EML6: variants seen among roughly 807,000 people sequenced by gnomAD.
The protein encoded by EML6 is EMAP like 6, also known as echinoderm microtubule-associated protein-like 6.
A neutral mutation model predicts 240.1 loss-of-function variants in EML6; 154 were observed. The ratio of observed to expected loss-of-function variants is 0.64; its 90% CI spans 0.56 to 0.73. The LOEUF is 0.73. Ranked by LOEUF, EML6 falls within the 30% of genes least tolerant of loss-of-function variation. The pLI is 0.00. For synonymous variants in EML6, 1,148 were observed against 899.0 expected (o/e 1.28, Z -4.95); for missense variants, 2,964 against 2,474.6 (o/e 1.20, Z -4.20).
At chr2:54,863,927 G>GA (rs1558626718) in intron 13 of EML6, 38 bp downstream of exon 13, 1 of 1,103,046 alleles carries the variant, frequency 9.1e-7, no homozygotes, top group South Asian at 1.4e-5. Context: ...TGTAACCCCA[G>GA]AAGGGGATCT....
chr2:54,738,952 G>A (rs1027179451), intron 2 of EML6, among the ~76,000 whole-genome samples: 2 of 152,056 alleles, frequency 1.3e-5, no homozygotes, highest in Admixed American at 6.6e-5. Context: ...TTCCAAAGTG[G>A]TTGCATCTGG....
rs934047983 is a variant in EML6, at chr2:54,846,304, G to A, written c.1050-1182G>A. ...AAATGTAACATATATTTCAATCTGT[G>A]TGTGCTGAAATAACTATTACTGGAA... On this transcript the variant is annotated intron_variant, in intron 8 of 41. Coordinates refer to ENST00000356458, the MANE Select transcript of EML6 (RefSeq NM_001039753.4). 8.6e-5 allele frequency among the ~76,000 whole-genome samples: 13 copies of A among 151,934 alleles called. 1 individual carries two copies. The highest frequency in any genetic ancestry group is 7.2e-4 in the Admixed American group (11 of 15,266).
In EML6 at chr2:54,967,049, A is replaced by AGCAGGTAACTGAAGCCGTGG; in HGVS notation, c.5544_5563dup (p.Val1855GlyfsTer3). ...CAGGTGCATGAGGTCCCCCTGGGGA[A>AGCAGGTAACTGAAGCCGTGG]GCAGGTAACTGAAGCCGTGGTCATT... On this transcript the variant is annotated frameshift_variant, in exon 39 of 42. Coordinates refer to ENST00000356458, the MANE Select transcript of EML6 (RefSeq NM_001039753.4). LOFTEE classifies it high-confidence loss of function. The AGCAGGTAACTGAAGCCGTGG allele has an allele frequency of 6.4e-7, 1 of 1,551,470 alleles. No homozygotes were observed.
At chr2:54,860,956 G>A (rs1264693479) in intron 12 of EML6, among the ~76,000 whole-genome samples, 1 of 152,206 alleles carries the variant, frequency 6.6e-6, no homozygotes, top group Non-Finnish European at 1.5e-5. Context: ...ACAGAACAGA[G>A]ATGTGGTCTT....
intron 11 of EML6, among the ~76,000 whole-genome samples, chr2:54,857,646 T>C (rs1037924949): frequency 4.6e-5 from 7 of 152,202 alleles, no homozygotes; most frequent in African/African-American, 1.7e-4. Flanking sequence ...AGTGCAGTGT[T>C]CTAAATGAGT....
At chr2:54,932,419 G>T (rs1321970468) in intron 28 of EML6, among the ~76,000 whole-genome samples, 1 of 152,122 alleles carries the variant, frequency 6.6e-6, no homozygotes, top group Non-Finnish European at 1.5e-5. Context: ...ACCCCACGCT[G>T]CCCTCCTTCA....
rs1668937519 is a variant in EML6, at chr2:54,783,335, C to G, written c.198-29897C>G. ...TGTTATATTGCAAGTAAAAATCAAG[C>G]TTAAGTCTAGATTTTTAATTTATGC... On this transcript the variant is annotated intron_variant, in intron 2 of 41. Transcript: ENST00000356458. Among the ~76,000 whole-genome samples the G allele has an allele frequency of 2.0e-5, 3 of 152,102 alleles. No individual in the cohort carries two copies. In the South Asian group the frequency reaches 6.2e-4, roughly 32 times the overall value.
At chr2:54,813,448 T>G (rs1667949843) in intron 3 of EML6, 57 bp downstream of exon 3, 2 of 1,373,130 alleles carry the variant, frequency 1.5e-6, no homozygotes, top group Non-Finnish European at 2.0e-6. Context: ...CACTTAAAAC[T>G]ATAATAGGAA....
intron 2 of EML6, among the ~76,000 whole-genome samples, chr2:54,775,906 A>T (rs1484977902): frequency 6.6e-6 from 1 of 152,220 alleles, no homozygotes; most frequent in Non-Finnish European, 1.5e-5. Context: ...ATATTGAGCC[A>T]TCCTTGCATT....
intron 16 of EML6, among the ~76,000 whole-genome samples, chr2:54,879,104 A>G (rs991324425): frequency 6.6e-6 from 1 of 152,208 alleles, no homozygotes; most frequent in Non-Finnish European, 1.5e-5. Context: ...AGAGCTGAAA[A>G]TGGTCTCAGG....
chr2:54,813,464 A>G, intron 3 of EML6, 73 bp downstream of exon 3: 2 of 1,266,676 alleles, frequency 1.6e-6, no homozygotes, highest in Non-Finnish European at 2.2e-6. Flanking sequence ...AGGAATAGCC[A>G]GTAGATTCAA....
At chr2:54,846,865 G>A (rs977373597) in intron 8 of EML6, among the ~76,000 whole-genome samples, 2 of 151,146 alleles carry the variant, frequency 1.3e-5, no homozygotes, top group South Asian at 2.1e-4. Flanking sequence ...ACAACCCTTG[G>A]TATACATAAA....
intron 28 of EML6, among the ~76,000 whole-genome samples, chr2:54,943,746 A>G (rs868858733): frequency 4.6e-4 from 70 of 152,186 alleles, no homozygotes; most frequent in African/African-American, 1.5e-3. Context: ...AGATGGTGAC[A>G]TTGATTTTAA....
intron 13 of EML6, among the ~76,000 whole-genome samples, chr2:54,864,342 C>G (rs1670848989): frequency 6.6e-6 from 1 of 152,134 alleles, no homozygotes; most frequent in African/African-American, 2.4e-5. Flanking sequence ...TCCATTTAAT[C>G]AAAGTAATTA....
chr2:54,849,924 A>G (rs12713278), intron 9 of EML6, 38 bp from the exon 10 acceptor site: 721,477 of 1,509,258 alleles, frequency 0.48, 175,538 homozygotes, highest in Middle Eastern at 0.53. Context: ...TTCTATTTGT[A>G]GAATTGCTGC....
rs1409467563 is a variant in EML6 at position 54,914,618 on chromosome 2, CTGA to C, written c.3499-2135_3499-2133del. 3.3e-5 allele frequency among the ~76,000 whole-genome samples: 5 copies of C among 152,134 alleles called. No homozygotes were observed. The East Asian group carries it at 7.7e-4, about 23-fold the overall frequency. On this transcript the variant is annotated intron_variant, in intron 25 of 41. Transcript: ENST00000356458. Reference sequence around the variant, plus strand: ...CATTTGTTACTCCAGAGGCTGATTCCTGATGATGTTGGTTGCAGAGTCCTTCCA... The same window carrying C: ...CATTTGTTACTCCAGAGGCTGATTCCTGATGTTGGTTGCAGAGTCCTTCCA...
At chr2:54,808,202 G>T (rs1291167882) in intron 2 of EML6, among the ~76,000 whole-genome samples, 2 of 152,170 alleles carry the variant, frequency 1.3e-5, no homozygotes, top group African/African-American at 2.4e-5. Context: ...TCACAGTTGT[G>T]GTGGGGTACT....
chr2:54,732,186 A>G (rs1230521153), intron 2 of EML6, among the ~76,000 whole-genome samples: 1 of 150,880 alleles, frequency 6.6e-6, no homozygotes, highest in Admixed American at 6.6e-5. Context: ...GAGTTTTTTT[A>G]CATATTCTGG....
chr2:54,869,177 T>A lies in EML6; in HGVS notation c.2052-4T>A. 6.5e-7 allele frequency: 1 copy of A among 1,542,744 alleles called. No homozygotes were observed. Among genetic ancestry groups the A allele is most frequent in the Non-Finnish European group, 8.8e-7 (1 of 1,140,230 alleles). ...ACTATGCATTTCTTGGACCTGTGCT[T>A]CAGTTATAGAGGCTACGACTGTAGA... is the stretch of plus-strand genomic sequence containing the variant. On this transcript the variant is annotated splice_polypyrimidine_tract_variant and splice_region_variant and intron_variant, in intron 14 of 41. Transcript: ENST00000356458.
Sources: gnomAD v4.1 joint callset for allele counts (sites outside exome capture counted in the v4.1 genomes callset) on GRCh38, gnomAD v4.1.1 for gene constraint, MANE v1.5 for transcripts, NCBI Gene and HGNC (gene_info 2026-07-23, HGNC 2026-07-21) for gene names.